PSD2: variants seen among roughly 807,000 people sequenced by gnomAD.
PSD2 encodes PH and SEC7 domain-containing protein 2.
PSD2 carries 38 observed loss-of-function variants against 69.8 expected under a neutral mutation model. That is an observed-to-expected ratio of 0.54 (90% CI 0.42 to 0.71). PSD2 has a LOEUF of 0.71. Among genes scored for constraint, PSD2 ranks in the 30% least tolerant of loss-of-function variants. The probability of loss-of-function intolerance (pLI) is 0.00; values close to 1 mark genes in which losing one functional copy is unlikely to be tolerated. For missense variants in PSD2, 943 were observed against 1,014.5 expected, an observed-to-expected ratio of 0.93 and a Z score of 0.96; for synonymous variants, 412 against 423.0, an observed-to-expected ratio of 0.97 and a Z score of 0.32.
intron 7 of PSD2, among the ~76,000 whole-genome samples, chr5:139,827,848 C>T (rs1760468223): frequency 6.6e-6 from 1 of 152,222 alleles, no homozygotes. Context: ...ATCCAATCAC[C>T]TTCCTCCCTT....
At chr5:139,749,045 C>A in the PSD2 span, among the ~76,000 whole-genome samples, 1 of 152,074 alleles carries the variant, frequency 6.6e-6, no homozygotes, top group African/African-American at 2.4e-5. Context: ...ATCCAGTCTC[C>A]CCCTTCGTCT....
chr5:139,783,611 A>C, the PSD2 span, among the ~76,000 whole-genome samples: 1 of 152,102 alleles, frequency 6.6e-6, no homozygotes, highest in African/African-American at 2.4e-5. Context: ...AAGTTTATGA[A>C]TTGTAGACAG....
At chr5:139,747,127 T>C in the PSD2 span, among the ~76,000 whole-genome samples, 1 of 152,162 alleles carries the variant, frequency 6.6e-6, no homozygotes, top group Admixed American at 6.5e-5. This position sits in a 1 kb window ranked among gnomAD's most constrained non-coding sequence, Gnocchi z 6.7. Flanking sequence ...CATTTCTTTC[T>C]CTGCCTGTCT....
the PSD2 span, among the ~76,000 whole-genome samples, chr5:139,760,251 TC>T: frequency 6.6e-6 from 1 of 152,174 alleles, no homozygotes; most frequent in Non-Finnish European, 1.5e-5. Flanking sequence ...GCCTGAAGCT[TC>T]TTACCAGGTG....
At chr5:139,820,030 G>T (rs975471566) in intron 5 of PSD2, among the ~76,000 whole-genome samples, 4 of 152,182 alleles carry the variant, frequency 2.6e-5, no homozygotes, top group Non-Finnish European at 5.9e-5. Context: ...GGGTCAGGTG[G>T]GAGAGAACAA....
At chr5:139,766,927 TC>T in the PSD2 span, among the ~76,000 whole-genome samples, 1,320 of 18,450 alleles carry the variant, frequency 0.072, 80 homozygotes, top group African/African-American at 0.16. Flanking sequence ...CTTCCTTCCT[TC>T]CCTTCTTTCT....
Position 139,809,567 on chromosome 5 carries a change from C to G in PSD2, c.127C>G (p.Leu43Val). The G allele has an allele frequency of 6.2e-7, 1 of 1,614,104 alleles. No individual in the cohort carries two copies. The highest frequency in any genetic ancestry group is 8.5e-7 in the Non-Finnish European group (1 of 1,179,938). Residue 43 changes from leucine to valine, a missense_variant, in exon 2 of 15, where the codon CTC (leucine) becomes GTC (valine). This residue lies in a region of PSD2 where 466 missense variants were observed against 445.0 expected (regional missense o/e 1.05). Transcript: ENST00000274710. ...GMASEGLNSS[L>V]CSPGHERRGT... ...GGCCAGTGAGGGCCTGAACAGCAGC[C>G]TCTGCAGCCCAGGGCACGAGCGAAG... is the stretch of plus-strand genomic sequence containing the variant.
the PSD2 span, among the ~76,000 whole-genome samples, chr5:139,761,733 C>T: frequency 2.0e-5 from 3 of 152,212 alleles, no homozygotes; most frequent in East Asian, 1.9e-4. Context: ...CGGCCTCCAT[C>T]TGGTGCTGTT....
At chr5:139,796,179 G>A (rs1759520804) in intron 1 of PSD2, among the ~76,000 whole-genome samples, 1 of 152,206 alleles carries the variant, frequency 6.6e-6, no homozygotes, top group African/African-American at 2.4e-5. Flanking sequence ...TCATGGAGAT[G>A]GGGCCGAGAG....
At chr5:139,744,483 A>C in the PSD2 span, among the ~76,000 whole-genome samples, 5 of 152,022 alleles carry the variant, frequency 3.3e-5, no homozygotes, top group Non-Finnish European at 5.9e-5. Flanking sequence ...CATGCCCCTC[A>C]TTCCCCCGCC....
intron 8 of PSD2, among the ~76,000 whole-genome samples, chr5:139,835,499 C>T (rs1041127028): frequency 3.3e-5 from 5 of 152,198 alleles, no homozygotes; most frequent in African/African-American, 1.2e-4. Context: ...CTTACAGTCT[C>T]CTACGGGAGA....
chr5:139,837,061 G>T lies in PSD2; in HGVS notation c.1594+60G>T. The T allele has an allele frequency of 6.3e-7, 1 of 1,594,736 alleles. No homozygotes were observed. Among genetic ancestry groups the T allele is most frequent in the Non-Finnish European group, 8.6e-7 (1 of 1,166,746 alleles). On this transcript the variant is annotated intron_variant, in intron 10 of 14. Coordinates refer to ENST00000274710, the MANE Select transcript of PSD2 (RefSeq NM_032289.4). This position sits in a 1 kb window ranked among gnomAD's most constrained non-coding sequence, Gnocchi z 5.0. ...AGGCTGGCACAGAGGGGGGCGCCAC[G>T]GGCCACTCTTTGGGGACGAACATAC...
intron 14 of PSD2, among the ~76,000 whole-genome samples, chr5:139,840,956 TAA>T (rs1271132697): frequency 2.0e-5 from 3 of 152,142 alleles, no homozygotes; most frequent in Middle Eastern, 3.2e-3. Context: ...TCAGTAGTGT[TAA>T]GTCTATTCAC....
At chr5:139,811,293 C>A (rs1409271490) in intron 2 of PSD2, among the ~76,000 whole-genome samples, 1 of 152,106 alleles carries the variant, frequency 6.6e-6, no homozygotes, top group Non-Finnish European at 1.5e-5. Context: ...AGTGGGAGTG[C>A]CTTCTCCAGG....
intron 4 of PSD2, among the ~76,000 whole-genome samples, chr5:139,816,641 T>A (rs1760127627): frequency 1.3e-5 from 2 of 152,268 alleles, no homozygotes; most frequent in South Asian, 4.1e-4. Context: ...TTGACAAGAA[T>A]TCCTCATGCC....
chr5:139,779,624 A>C, the PSD2 span, among the ~76,000 whole-genome samples: 4 of 152,214 alleles, frequency 2.6e-5, no homozygotes, highest in African/African-American at 9.7e-5. Context: ...TAACAAATGC[A>C]TATATTTGTA....
intron 7 of PSD2, among the ~76,000 whole-genome samples, chr5:139,829,848 C>T (rs563273803): frequency 6.6e-6 from 1 of 152,030 alleles, no homozygotes; most frequent in African/African-American, 2.4e-5. Context: ...GGGGTATATA[C>T]CTAGGATTGA....
At chr5:139,797,450 G>A (rs1327426711) in intron 1 of PSD2, among the ~76,000 whole-genome samples, 1 of 152,182 alleles carries the variant, frequency 6.6e-6, no homozygotes, top group East Asian at 1.9e-4. Context: ...ATGCTTGGGT[G>A]AATTGCACCC....
At chr5:139,806,325 G>A (rs903716831) in intron 1 of PSD2, among the ~76,000 whole-genome samples, 1 of 152,244 alleles carries the variant, frequency 6.6e-6, no homozygotes, top group African/African-American at 2.4e-5. Flanking sequence ...TCTTGGTTGA[G>A]GGTTTGGGCC....
Sources: allele counts gnomAD v4.1 joint callset (sites outside exome capture counted in the v4.1 genomes callset), GRCh38; gene constraint gnomAD v4.1.1; regional missense constraint gnomAD v4.1.1; non-coding constraint Gnocchi (gnomAD v3.1); transcripts MANE v1.5; gene names NCBI Gene and HGNC (gene_info 2026-07-23, HGNC 2026-07-21).